Variants in TSPEAR observed in about 807,000 individuals in gnomAD.
TSPEAR encodes thrombospondin-type laminin G domain and EAR repeat-containing protein.
Under a neutral mutation model 71.6 loss-of-function variants are expected in TSPEAR, and 69 were observed. That is an observed-to-expected ratio of 0.96 (90% CI 0.79 to 1.18). The LOEUF (loss-of-function observed/expected upper bound fraction) is 1.18, where lower values mean the gene tolerates loss of function less well. Among genes scored for constraint, TSPEAR ranks in the 50% most tolerant of loss-of-function variants. The pLI is 0.00. For missense variants in TSPEAR, 971 were observed against 894.9 expected, an observed-to-expected ratio of 1.09 and a Z score of -1.09; for synonymous variants, 402 against 387.2, an observed-to-expected ratio of 1.04 and a Z score of -0.45.
chr21:44,583,911 T>C (rs1372818367), intron 1 of TSPEAR, among the ~76,000 whole-genome samples: 2 of 152,218 alleles, frequency 1.3e-5, no homozygotes, highest in Non-Finnish European at 2.9e-5. Flanking sequence ...TGTTACTGCG[T>C]CACATTCTGT....
intron 2 of TSPEAR, among the ~76,000 whole-genome samples, chr21:44,549,437 G>A (rs868959699): frequency 1.6e-4 from 24 of 152,314 alleles, no homozygotes; most frequent in Middle Eastern, 3.4e-3. Context: ...CACCAAGTGC[G>A]GCGTGTCCAC....
intron 8 of TSPEAR, among the ~76,000 whole-genome samples, chr21:44,524,228 C>T (rs1555914660): frequency 6.7e-6 from 1 of 150,014 alleles, no homozygotes; most frequent in African/African-American, 2.5e-5. Context: ...GTCAGTCAGT[C>T]AGTCAGTGAG....
chr21:44,602,757 A>G (rs1211117), intron 1 of TSPEAR, among the ~76,000 whole-genome samples: 126,379 of 152,146 alleles, frequency 0.83, 54,258 homozygotes, highest in Non-Finnish European at 0.94. Context: ...CTGCTTGCAG[A>G]GGAGTGAGGC....
At chr21:44,634,753 G>A (rs1201173823) in intron 1 of TSPEAR, among the ~76,000 whole-genome samples, 1 of 152,148 alleles carries the variant, frequency 6.6e-6, no homozygotes, top group African/African-American at 2.4e-5. Flanking sequence ...GGTCATTAGG[G>A]AAACAGAAAT....
chr21:44,672,564 C>T (rs587758526), intron 1 of TSPEAR, among the ~76,000 whole-genome samples: 38 of 111,164 alleles, frequency 3.4e-4, no homozygotes, highest in East Asian at 4.7e-4. Flanking sequence ...AGCAAAACTC[C>T]GTCTCAAAAC....
chr21:44,631,427 CAA>C (rs1438057592), intron 1 of TSPEAR, among the ~76,000 whole-genome samples: 2 of 152,092 alleles, frequency 1.3e-5, no homozygotes, highest in Non-Finnish European at 2.9e-5. Flanking sequence ...GGCATAAAAA[CAA>C]AAAGAGGCCG....
chr21:44,584,950 T>C (rs185333670), intron 1 of TSPEAR, among the ~76,000 whole-genome samples: 1 of 152,350 alleles, frequency 6.6e-6, no homozygotes, highest in East Asian at 1.9e-4. Flanking sequence ...GCTACTTTCT[T>C]TTACATAAAA....
intron 2 of TSPEAR, chr21:44,539,302 T>G (rs782334546): frequency 3.5e-4 from 561 of 1,608,556 alleles, no homozygotes; most frequent in Non-Finnish European, 4.4e-4. Flanking sequence ...AGCAGAGGCC[T>G]CAGCAGGCCG....
In TSPEAR at chr21:44,654,423, G is replaced by A. The variant is rs372258837; in HGVS notation, c.82+57010C>T. The stretch of plus-strand genomic sequence containing the variant: ...GCACACAGCAGGCCACCTGGCAGGG[G>A]CTGGGCACACAGCAGGCTGGCTGGC... On this transcript the variant is annotated intron_variant, in intron 1 of 11. Coordinates refer to ENST00000323084, the MANE Select transcript of TSPEAR (RefSeq NM_144991.3). The A allele has an allele frequency of 2.5e-6, 4 of 1,614,044 alleles. 1 individual carries two copies. The highest frequency in any genetic ancestry group is 2.7e-5 in the African/African-American group (2 of 74,922).
chr21:44,545,808 T>A lies in TSPEAR; in HGVS notation c.304-11885A>T, dbSNP rs977061067. Among the ~76,000 whole-genome samples, 11 of 151,918 alleles carry A rather than the reference T, an allele frequency of 7.2e-5. No homozygotes were observed. The East Asian group carries it at 2.1e-3, about 29-fold the overall frequency. Reference sequence around the variant, plus strand: ...TGAATGCTTACATTTTAAAAAAAAATAAAGATCTCAAATCATTAATCTAAC... The same window carrying A: ...TGAATGCTTACATTTTAAAAAAAAAAAAAGATCTCAAATCATTAATCTAAC... On this transcript the variant is annotated intron_variant, in intron 2 of 11. Transcript: ENST00000323084.
chr21:44,514,717 C>G (rs1371701350), intron 9 of TSPEAR, among the ~76,000 whole-genome samples: 4 of 152,340 alleles, frequency 2.6e-5, no homozygotes, highest in African/African-American at 9.6e-5. Flanking sequence ...TCCTTTGGTC[C>G]AAGCTGGGGA....
chr21:44,508,621 C>T lies in TSPEAR; in HGVS notation c.1754+578G>A, dbSNP rs587607472. 38 of 1,182,788 alleles carry T rather than the reference C, an allele frequency of 3.2e-5. No individual in the cohort carries two copies. In the South Asian group the frequency reaches 3.3e-4, roughly 10 times the overall value. 73.3% of individuals were successfully genotyped at this position (1,182,788 alleles called of 1,614,324 possible). On this transcript the variant is annotated intron_variant, in intron 10 of 11. Coordinates refer to ENST00000323084, the MANE Select transcript of TSPEAR (RefSeq NM_144991.3). ...CCCACTGTCCAAAATGTGGTGCCCA[C>T]GCAACCTCCTGTGGCTCCACGGAGC... is the stretch of plus-strand genomic sequence containing the variant.
chr21:44,573,376 A>G (rs1294491866), intron 1 of TSPEAR, among the ~76,000 whole-genome samples: 2 of 151,734 alleles, frequency 1.3e-5, no homozygotes, highest in African/African-American at 4.8e-5. Flanking sequence ...CGGCAGAGCC[A>G]CCCGCAGGCA....
chr21:44,662,047 A>C (rs1985525631), intron 1 of TSPEAR, among the ~76,000 whole-genome samples: 1 of 152,236 alleles, frequency 6.6e-6, no homozygotes, highest in Non-Finnish European at 1.5e-5. Context: ...AGTGGCATAG[A>C]AAGAGGGCAA....
chr21:44,535,768 G>A (rs1171849657), intron 2 of TSPEAR, among the ~76,000 whole-genome samples: 5 of 152,056 alleles, frequency 3.3e-5, no homozygotes, highest in Admixed American at 3.3e-4. Flanking sequence ...GTTTCACCAT[G>A]TTAGCCAGGC....
chr21:44,665,549 C>T (rs1435565336), intron 1 of TSPEAR, among the ~76,000 whole-genome samples: 1 of 152,190 alleles, frequency 6.6e-6, no homozygotes, highest in East Asian at 1.9e-4. Flanking sequence ...AGAAAACACC[C>T]ATTTCAGGAA....
intron 8 of TSPEAR, among the ~76,000 whole-genome samples, chr21:44,523,861 T>TAGTCAGGTAGTTGGTCAGTCATG (rs1250534154): frequency 2.7e-5 from 4 of 150,852 alleles, no homozygotes; most frequent in Non-Finnish European, 4.4e-5. Flanking sequence ...GTTCAGTGGC[T>TAGTCAGGTAGTTGGTCAGTCATG]AGTCAGGTAG....
intron 1 of TSPEAR, among the ~76,000 whole-genome samples, chr21:44,583,838 C>T (rs1432617340): frequency 1.3e-5 from 2 of 152,154 alleles, no homozygotes; most frequent in Non-Finnish European, 2.9e-5. Context: ...ATGTCCATCA[C>T]CCATGCAGTT....
intron 1 of TSPEAR, among the ~76,000 whole-genome samples, chr21:44,635,488 G>A (rs76297078): frequency 0.04 from 6,078 of 152,052 alleles, 414 homozygotes; most frequent in African/African-American, 0.14. Context: ...ATTCAGCCAA[G>A]AAAAGGAATG....
Sources: allele counts gnomAD v4.1 joint callset (sites outside exome capture counted in the v4.1 genomes callset), GRCh38; gene constraint gnomAD v4.1.1; transcripts MANE v1.5; gene names NCBI Gene and HGNC (gene_info 2026-07-23, HGNC 2026-07-21).